The following MARCHF1 variants were observed in gnomAD, a reference collection of about 807,000 sequenced individuals.
MARCHF1 encodes the protein E3 ubiquitin-protein ligase MARCHF1.
A neutral mutation model predicts 54.2 loss-of-function variants in MARCHF1; 40 were observed. The ratio of observed to expected loss-of-function variants is 0.74; its 90% CI spans 0.57 to 0.96. MARCHF1 has a LOEUF of 0.96. Ranked by LOEUF, MARCHF1 falls within the 40% of genes least tolerant of loss-of-function variation. The probability of loss-of-function intolerance (pLI) is 0.00; values close to 1 mark genes in which losing one functional copy is unlikely to be tolerated. For missense variants in MARCHF1, 586 were observed against 656.5 expected, an observed-to-expected ratio of 0.89 and a Z score of 1.17; for synonymous variants, 236 against 236.3, an observed-to-expected ratio of 1.00 and a Z score of 0.01.
intron 3 of MARCHF1, among the ~76,000 whole-genome samples, chr4:163,900,165 T>C (rs910311701): frequency 2.0e-5 from 3 of 152,148 alleles, no homozygotes; most frequent in African/African-American, 7.2e-5. Context: ...ACGAACTCAA[T>C]GAAGTTTTGT....
intron 4 of MARCHF1, among the ~76,000 whole-genome samples, chr4:163,704,712 T>C (rs1342453867): frequency 1.3e-5 from 2 of 151,722 alleles, no homozygotes; most frequent in Admixed American, 1.3e-4. Context: ...TATTAAAACC[T>C]ATAGCATATA....
rs530858571 is a variant in MARCHF1 at position 164,096,867 on chromosome 4, T to TAG, written c.-248+14719_-248+14720dup. Among the ~76,000 whole-genome samples the TAG allele has an allele frequency of 2.2e-4, 34 of 152,256 alleles. No homozygotes were observed. In the South Asian group the frequency reaches 6.8e-3, roughly 31 times the overall value. ...TGAAAGAAATTTATTTGAAAACATT[T>TAG]AGTGACTGATGCTCAGAAGCTTAAG... is the stretch of plus-strand genomic sequence containing the variant. On this transcript the variant is annotated intron_variant, in intron 2 of 9. Transcript: ENST00000514618.
intron 3 of MARCHF1, among the ~76,000 whole-genome samples, chr4:163,862,579 A>G (rs1749962674): frequency 6.6e-6 from 1 of 151,576 alleles, no homozygotes; most frequent in African/African-American, 2.4e-5. Flanking sequence ...ATGCCAAGCA[A>G]CAGGTATTCT....
intron 1 of MARCHF1, among the ~76,000 whole-genome samples, chr4:164,122,343 G>A (rs971035581): frequency 2.0e-5 from 3 of 152,090 alleles, no homozygotes; most frequent in Admixed American, 6.6e-5. Context: ...AGAGTAGCCT[G>A]TAAATTCAAG....
At chr4:163,745,936 C>T (rs1026780535) in intron 4 of MARCHF1, among the ~76,000 whole-genome samples, 1 of 152,118 alleles carries the variant, frequency 6.6e-6, no homozygotes, top group South Asian at 2.1e-4. Flanking sequence ...CTTACTGCCA[C>T]AAGTGCATAG....
intron 5 of MARCHF1, among the ~76,000 whole-genome samples, chr4:163,655,453 T>C (rs976683685): frequency 1.3e-5 from 2 of 151,794 alleles, no homozygotes; most frequent in Non-Finnish European, 1.5e-5. Context: ...CACACAATAA[T>C]AGTGGGAGAC....
intron 1 of MARCHF1, among the ~76,000 whole-genome samples, chr4:164,248,871 G>T (rs940470916): frequency 2.6e-5 from 4 of 151,694 alleles, no homozygotes; most frequent in Non-Finnish European, 5.9e-5. Context: ...TCATATAAGG[G>T]CTAGGAAATT....
intron 1 of MARCHF1, among the ~76,000 whole-genome samples, chr4:164,252,654 A>G (rs945186690): frequency 2.0e-4 from 30 of 152,194 alleles, no homozygotes; most frequent in Non-Finnish European, 1.8e-4. Flanking sequence ...ACCCTTAGAC[A>G]TGGTAAGATG....
chr4:163,599,939 T>C (rs995871914), intron 7 of MARCHF1, among the ~76,000 whole-genome samples: 9 of 152,218 alleles, frequency 5.9e-5, no homozygotes, highest in African/African-American at 1.9e-4. Context: ...TGTTGAAAGC[T>C]ACTGTATTTT....
intron 4 of MARCHF1, among the ~76,000 whole-genome samples, chr4:163,773,633 G>T (rs1747220922): frequency 6.6e-6 from 1 of 152,134 alleles, no homozygotes; most frequent in Non-Finnish European, 1.5e-5. Context: ...ACAGATAAGA[G>T]ATTGTGAAGT....
Position 163,898,793 on chromosome 4 carries a change from C to T in MARCHF1, c.-38-44624G>A, listed in dbSNP as rs1041067965. ...AAGTCATGGAACTAACCTATGTGTC[C>T]GTCAACGATTGACTGGATAAAGAAA... On this transcript the variant is annotated intron_variant, in intron 3 of 9. Coordinates refer to ENST00000514618, the MANE Select transcript of MARCHF1 (RefSeq NM_001394959.1). Among the ~76,000 whole-genome samples, 8 of 152,100 alleles carry T rather than the reference C, an allele frequency of 5.3e-5. No homozygotes were observed. In the East Asian group the frequency reaches 7.7e-4, roughly 15 times the overall value.
chr4:164,176,972 CTCTCT>C (rs1560940554), intron 1 of MARCHF1, among the ~76,000 whole-genome samples: 16,691 of 56,562 alleles, frequency 0.3, 3,298 homozygotes, highest in Non-Finnish European at 0.38. Flanking sequence ...CTCTCTCTCT[CTCTCT>C]CTCTATATAT....
At chr4:164,286,793 A>C (rs1734161608) in intron 1 of MARCHF1, among the ~76,000 whole-genome samples, 1 of 150,140 alleles carries the variant, frequency 6.7e-6, no homozygotes, top group South Asian at 2.1e-4. Context: ...TTAGGTTAAC[A>C]TAAACTGTCC....
rs1447681749 is a variant in MARCHF1, at chr4:163,552,960, G to A, written c.1192-7217C>T. ...AGGCAGGAGAATGGCTTGAACCCGG[G>A]AGGCGGAGCTTGCAGTGAGCCGAGA... On this transcript the variant is annotated intron_variant, in intron 8 of 9. Transcript: ENST00000514618. Among the ~76,000 whole-genome samples, 5 of 151,808 alleles carry A rather than the reference G, an allele frequency of 3.3e-5. No individual in the cohort carries two copies. In the East Asian group the frequency reaches 7.8e-4, roughly 24 times the overall value.
chr4:163,576,258 C>G (rs1740033084), intron 8 of MARCHF1, among the ~76,000 whole-genome samples: 1 of 151,992 alleles, frequency 6.6e-6, no homozygotes, highest in African/African-American at 2.4e-5. Context: ...TCATTTATTT[C>G]AAAGAACTTT....
intron 1 of MARCHF1, among the ~76,000 whole-genome samples, chr4:164,128,865 G>T (rs1756242175): frequency 6.6e-6 from 1 of 152,068 alleles, no homozygotes; most frequent in Non-Finnish European, 1.5e-5. Context: ...AGCCACACTG[G>T]TCATCTCACT....
chr4:164,227,128 G>C (rs1378740213), intron 1 of MARCHF1, among the ~76,000 whole-genome samples: 1 of 152,104 alleles, frequency 6.6e-6, no homozygotes, highest in Non-Finnish European at 1.5e-5. Flanking sequence ...CAGAGTCTGA[G>C]TAATTTATAA....
rs1338174431 is a variant in MARCHF1, at chr4:163,634,663, C to G, written c.163-21270G>C. Among the ~76,000 whole-genome samples, 10 of 151,996 alleles carry G rather than the reference C, an allele frequency of 6.6e-5. No individual in the cohort carries two copies. The East Asian group carries it at 1.7e-3, about 27-fold the overall frequency. On this transcript the variant is annotated intron_variant, in intron 5 of 9. Transcript: ENST00000514618. ...ATTAATAATGGGAGACTTTAACACC[C>G]CACTGTCAACATTAGACAGATCAAC... is the stretch of plus-strand genomic sequence containing the variant.
At chr4:164,207,611 C>G (rs1461727206) in intron 1 of MARCHF1, among the ~76,000 whole-genome samples, 1 of 152,086 alleles carries the variant, frequency 6.6e-6, no homozygotes, top group Non-Finnish European at 1.5e-5. Flanking sequence ...CAGCTGCAGC[C>G]TAGAGCTAGC....
Sources: allele counts gnomAD v4.1 joint callset (sites outside exome capture counted in the v4.1 genomes callset), GRCh38; gene constraint gnomAD v4.1.1; transcripts MANE v1.5; gene names NCBI Gene and HGNC (gene_info 2026-07-23, HGNC 2026-07-21).